SEMA6D: variants seen among roughly 807,000 people sequenced by gnomAD.
SEMA6D encodes semaphorin-6D.
A neutral mutation model predicts 106.6 loss-of-function variants in SEMA6D; 35 were observed. That is an observed-to-expected ratio of 0.33 (90% CI 0.25 to 0.44). The LOEUF (loss-of-function observed/expected upper bound fraction) is 0.44. SEMA6D is among the 20% of genes least tolerant of loss of function. SEMA6D has a pLI of 1.00. For synonymous variants in SEMA6D, 499 were observed against 487.7 expected, an observed-to-expected ratio of 1.02 and a Z score of -0.31; for missense variants, 1,185 against 1,345.9, an observed-to-expected ratio of 0.88 and a Z score of 1.87.
chr15:47,736,909 A>G (rs557905102), intron 1 of SEMA6D, among the ~76,000 whole-genome samples: 11 of 152,314 alleles, frequency 7.2e-5, no homozygotes, highest in African/African-American at 2.6e-4. Flanking sequence ...TTTTAATACA[A>G]AAGACAATCC....
intron 1 of SEMA6D, among the ~76,000 whole-genome samples, chr15:47,305,089 A>C (rs2036182420): frequency 6.6e-6 from 1 of 152,216 alleles, no homozygotes; most frequent in Non-Finnish European, 1.5e-5. Context: ...TAAAAACGTA[A>C]GTTCACGGGC....
chr15:47,539,659 G>A (rs2045294447), intron 3 of SEMA6D, among the ~76,000 whole-genome samples: 1 of 151,940 alleles, frequency 6.6e-6, no homozygotes, highest in Non-Finnish European at 1.5e-5. Context: ...TCTTGACCTC[G>A]TGATCCACCC....
intron 1 of SEMA6D, among the ~76,000 whole-genome samples, chr15:47,724,918 T>C (rs1470698166): frequency 1.3e-5 from 2 of 152,202 alleles, no homozygotes; most frequent in Non-Finnish European, 2.9e-5. Context: ...CACATGAACG[T>C]TGCAAGGAGT....
intron 3 of SEMA6D, among the ~76,000 whole-genome samples, chr15:47,571,723 A>G (rs1001097998): frequency 3.9e-5 from 6 of 152,206 alleles, no homozygotes; most frequent in African/African-American, 1.4e-4. Flanking sequence ...GGAACCACAA[A>G]TATTAAGGTT....
At chr15:47,194,668 C>T (rs965642883) in intron 1 of SEMA6D, among the ~76,000 whole-genome samples, 9 of 152,162 alleles carry the variant, frequency 5.9e-5, no homozygotes, top group Admixed American at 1.3e-4. Context: ...ATTACAGTTA[C>T]CTGATGTCAT....
chr15:47,462,143 T>C (rs1199344158), intron 2 of SEMA6D, among the ~76,000 whole-genome samples: 2 of 152,114 alleles, frequency 1.3e-5, no homozygotes, highest in East Asian at 1.9e-4. Flanking sequence ...TCTGACATCC[T>C]GTAGCAATTA....
chr15:47,188,684 C>G (rs999878299), intron 1 of SEMA6D, among the ~76,000 whole-genome samples: 1 of 152,090 alleles, frequency 6.6e-6, no homozygotes, highest in African/African-American at 2.4e-5. Flanking sequence ...TACAATTTCT[C>G]TGTCATAATG....
intron 1 of SEMA6D, among the ~76,000 whole-genome samples, chr15:47,295,927 G>T (rs1485161780): frequency 6.6e-6 from 1 of 152,080 alleles, no homozygotes; most frequent in East Asian, 1.9e-4. Context: ...TGTGATTCAG[G>T]TGCCCAGTGC....
intron 3 of SEMA6D, among the ~76,000 whole-genome samples, chr15:47,531,226 A>G (rs1209243917): frequency 6.6e-6 from 1 of 152,194 alleles, no homozygotes; most frequent in African/African-American, 2.4e-5. Context: ...TTTGCTATAA[A>G]TACACATATA....
At position 47,773,736 on chromosome 15, in the gene SEMA6D, C is replaced by T. The variant is rs1469563350; in HGVS notation, c.*1951C>T. On this transcript the variant is annotated 3_prime_UTR_variant, in exon 19 of 19. Coordinates refer to ENST00000536845, the MANE Select transcript of SEMA6D (RefSeq NM_001358351.3). ...TAAAATTTCTGTTCTTGAAACACTT[C>T]AGCTTTGCAACTAAAATATTACAGA... The T allele has an allele frequency of 1.3e-5, 2 of 152,600 alleles. No homozygotes were observed. Among genetic ancestry groups the T allele is most frequent in the Admixed American group, 6.6e-5 (1 of 15,264 alleles). The allele number at this position is 152,600 out of a possible 1,614,324, so 9.5% of individuals were successfully genotyped here. A position where few individuals can be genotyped will look rare whatever the true frequency, so the allele number is the denominator to read the frequency against.
intron 2 of SEMA6D, among the ~76,000 whole-genome samples, chr15:47,458,405 A>G (rs2042407069): frequency 6.6e-6 from 1 of 151,990 alleles, no homozygotes. Context: ...TAACAAAAAT[A>G]CACATTATTT....
intron 2 of SEMA6D, among the ~76,000 whole-genome samples, chr15:47,446,035 C>T (rs2042017848): frequency 6.6e-6 from 1 of 152,132 alleles, no homozygotes; most frequent in African/African-American, 2.4e-5. Flanking sequence ...AATCCTTGTG[C>T]AAAATAAAAT....
At chr15:47,388,552 T>A (rs955048192) in intron 1 of SEMA6D, among the ~76,000 whole-genome samples, 2 of 152,122 alleles carry the variant, frequency 1.3e-5, no homozygotes, top group African/African-American at 4.8e-5. Context: ...AGTCACTTAG[T>A]AGCTGTCTGG....
chr15:47,219,965 G>A (rs921416495), intron 1 of SEMA6D, among the ~76,000 whole-genome samples: 60 of 152,140 alleles, frequency 3.9e-4, no homozygotes, highest in African/African-American at 1.3e-3. Flanking sequence ...TCTAATCCAC[G>A]TAGTGTCTCA....
chr15:47,187,801 C>CAT (rs112647459), intron 1 of SEMA6D, among the ~76,000 whole-genome samples: 41,828 of 151,606 alleles, frequency 0.28, 6,014 homozygotes, highest in Non-Finnish European at 0.32. Flanking sequence ...CTGTTGAAAA[C>CAT]GTGGGAATTA....
At chr15:47,421,430 G>A (rs561198448) in intron 2 of SEMA6D, among the ~76,000 whole-genome samples, 20 of 152,154 alleles carry the variant, frequency 1.3e-4, no homozygotes, top group Non-Finnish European at 2.5e-4. Flanking sequence ...ATTTGAAAGT[G>A]CTCAGCACTT....
intron 1 of SEMA6D, among the ~76,000 whole-genome samples, chr15:47,752,629 C>A (rs2081503220): frequency 6.6e-6 from 1 of 152,102 alleles, no homozygotes; most frequent in Admixed American, 6.6e-5. Context: ...TTAAGAGTTA[C>A]AGAAAATACC....
chr15:47,679,962 G>A (rs914947072), intron 4 of SEMA6D, among the ~76,000 whole-genome samples: 1 of 152,022 alleles, frequency 6.6e-6, no homozygotes, highest in Non-Finnish European at 1.5e-5. Flanking sequence ...CACAGAATTT[G>A]GATTTCCATG....
At chr15:47,207,483 G>A (rs1895152156) in intron 1 of SEMA6D, among the ~76,000 whole-genome samples, 1 of 152,128 alleles carries the variant, frequency 6.6e-6, no homozygotes, top group Admixed American at 6.6e-5. Context: ...TACTGACCTA[G>A]AAACCTAGAC....
Sources: allele counts gnomAD v4.1 joint callset (sites outside exome capture counted in the v4.1 genomes callset), GRCh38; gene constraint gnomAD v4.1.1; transcripts MANE v1.5; gene names NCBI Gene and HGNC (gene_info 2026-07-23, HGNC 2026-07-21).